Variants in PACRG observed in about 807,000 individuals in gnomAD.
PACRG encodes the protein parkin coregulated gene protein.
Under a neutral mutation model 29.7 loss-of-function variants are expected in PACRG, and 29 were observed. The ratio of observed to expected loss-of-function variants is 0.98; its 90% CI spans 0.73 to 1.33. The LOEUF (loss-of-function observed/expected upper bound fraction) is 1.33, where lower values mean the gene tolerates loss of function less well. PACRG is among the 40% of genes most tolerant of loss of function. The pLI is 0.00. For synonymous variants in PACRG, 116 were observed against 118.7 expected, an observed-to-expected ratio of 0.98 and a Z score of 0.15; for missense variants, 279 against 316.2, an observed-to-expected ratio of 0.88 and a Z score of 0.89.
chr6:163,114,451 T>G (rs1478998316), intron 4 of PACRG, among the ~76,000 whole-genome samples: 1 of 152,132 alleles, frequency 6.6e-6, no homozygotes, highest in Non-Finnish European at 1.5e-5. Flanking sequence ...AGCAAATTAA[T>G]TCACTACACA....
At chr6:162,836,138 A>G (rs1163969355) in intron 2 of PACRG, among the ~76,000 whole-genome samples, 1 of 152,076 alleles carries the variant, frequency 6.6e-6, no homozygotes, top group Non-Finnish European at 1.5e-5. Flanking sequence ...TATTTTTGGT[A>G]ATACTTCATA....
At chr6:162,947,595 CAT>C (rs59243050) in intron 2 of PACRG, among the ~76,000 whole-genome samples, 1,153 of 27,998 alleles carry the variant, frequency 0.041, 86 homozygotes, top group African/African-American at 0.12. Context: ...TATATATAAT[CAT>C]ATATATATAT....
intron 2 of PACRG, among the ~76,000 whole-genome samples, chr6:162,830,058 G>C (rs1021741892): frequency 5.9e-5 from 9 of 152,138 alleles, no homozygotes; most frequent in African/African-American, 2.2e-4. Flanking sequence ...TGCTGTCATG[G>C]TTCAGAGCTG....
intron 1 of PACRG, among the ~76,000 whole-genome samples, chr6:162,754,830 A>AT: frequency 6.6e-6 from 1 of 151,964 alleles, no homozygotes; most frequent in East Asian, 1.9e-4. Flanking sequence ...CATTACGTCA[A>AT]TTTTTTGGAA....
Position 163,177,755 on chromosome 6 carries a change from G to A in PACRG, c.613+88347G>A, listed in dbSNP as rs370939063. ...TTTTTTTTGCGGGTGGGATTCGACC[G>A]TGTTTTTCTGCAAGGAGAAGAGTCT... On this transcript the variant is annotated intron_variant, in intron 4 of 4. Transcript: ENST00000366888. Among the ~76,000 whole-genome samples, 29 of 99,700 alleles carry A rather than the reference G, an allele frequency of 2.9e-4. 1 individual carries two copies. The East Asian group carries it at 5.9e-3, about 20-fold the overall frequency. The allele number at this position is 99,700 out of a possible 152,430, so 65.4% of individuals were successfully genotyped here. A position where few individuals can be genotyped will look rare whatever the true frequency, so the allele number is the denominator to read the frequency against.
At chr6:163,082,180 G>C (rs1302591475) in intron 3 of PACRG, among the ~76,000 whole-genome samples, 3 of 152,104 alleles carry the variant, frequency 2.0e-5, no homozygotes, top group Non-Finnish European at 2.9e-5. Context: ...GAATTTCTGT[G>C]AGTATATCTA....
chr6:163,135,736 G>A (rs1816908094), intron 4 of PACRG, among the ~76,000 whole-genome samples: 1 of 152,172 alleles, frequency 6.6e-6, no homozygotes, highest in Admixed American at 6.5e-5. Flanking sequence ...GTGGCCAAAT[G>A]GCTCTCCGAT....
intron 4 of PACRG, among the ~76,000 whole-genome samples, chr6:163,291,273 CCGCCAGAG>C (rs1784597352): frequency 7.2e-6 from 1 of 138,252 alleles, no homozygotes; most frequent in East Asian, 2.2e-4. Flanking sequence ...ACCCCTCTGC[CCGCCAGAG>C]CTGGCCTGCG....
intron 2 of PACRG, among the ~76,000 whole-genome samples, chr6:162,976,159 A>G (rs562838400): frequency 3.1e-4 from 47 of 152,324 alleles, no homozygotes; most frequent in Non-Finnish European, 5.7e-4. Flanking sequence ...GACACCAGAC[A>G]AGGCGAGAAG....
chr6:162,955,626 G>A (rs1296325481), intron 2 of PACRG, among the ~76,000 whole-genome samples: 1 of 152,146 alleles, frequency 6.6e-6, no homozygotes, highest in African/African-American at 2.4e-5. Context: ...TTCCATTTGT[G>A]TTTTCAGGGG....
At chr6:162,743,191 C>G (rs892616453) in intron 1 of PACRG, among the ~76,000 whole-genome samples, 1 of 152,082 alleles carries the variant, frequency 6.6e-6, no homozygotes. Context: ...TCTATTCAGT[C>G]CCTTTGCCCA....
chr6:163,073,391 G>A (rs1812255871), intron 3 of PACRG, among the ~76,000 whole-genome samples: 2 of 152,142 alleles, frequency 1.3e-5, no homozygotes, highest in Non-Finnish European at 2.9e-5. Flanking sequence ...GCACAAGAAT[G>A]AAACTAGACC....
intron 2 of PACRG, among the ~76,000 whole-genome samples, chr6:162,850,293 A>C (rs995926560): frequency 1.3e-5 from 2 of 152,252 alleles, no homozygotes; most frequent in Admixed American, 6.5e-5. Flanking sequence ...TGCATAGATT[A>C]AAACTATGAT....
intron 4 of PACRG, among the ~76,000 whole-genome samples, chr6:163,127,763 A>G (rs879312828): frequency 2.0e-5 from 3 of 152,228 alleles, no homozygotes; most frequent in Non-Finnish European, 2.9e-5. Context: ...TCACCATGTC[A>G]TCAGGACACA....
At chr6:162,892,271 A>G (rs974893458) in intron 2 of PACRG, among the ~76,000 whole-genome samples, 1 of 152,204 alleles carries the variant, frequency 6.6e-6, no homozygotes, top group African/African-American at 2.4e-5. Context: ...GGCACCAGGC[A>G]TTGTTGAGCA....
At position 163,092,908 on chromosome 6, in the gene PACRG, T is replaced by C. The variant is rs116124309; in HGVS notation, c.613+3500T>C. 1.6e-3 allele frequency among the ~76,000 whole-genome samples: 241 copies of C among 152,344 alleles called. 1 individual carries two copies. The highest frequency in any genetic ancestry group is 5.6e-3 in the African/African-American group (231 of 41,586). On this transcript the variant is annotated intron_variant, in intron 4 of 4. Transcript: ENST00000366888. ...AACTGAAAGTGTTGTGTGTGACCCA[T>C]AGCGCTCTCTCGTTGGGTGACCTGT...
chr6:162,920,209 G>A (rs953560579), intron 2 of PACRG, among the ~76,000 whole-genome samples: 1 of 152,182 alleles, frequency 6.6e-6, no homozygotes, highest in African/African-American at 2.4e-5. Context: ...GAGGGAGGAA[G>A]GGAATGAGAG....
chr6:163,147,217 A>G (rs1484988336), intron 4 of PACRG, among the ~76,000 whole-genome samples: 1 of 152,256 alleles, frequency 6.6e-6, no homozygotes, highest in Non-Finnish European at 1.5e-5. Context: ...AATTACAAAA[A>G]TGTCTAAGAC....
chr6:162,917,338 T>C (rs754104686), intron 2 of PACRG, among the ~76,000 whole-genome samples: 4 of 152,122 alleles, frequency 2.6e-5, no homozygotes, highest in South Asian at 2.1e-4. Context: ...CCATCCTTAG[T>C]GCATTTTGCC....
Sources: gnomAD v4.1 joint callset for allele counts (sites outside exome capture counted in the v4.1 genomes callset) on GRCh38, gnomAD v4.1.1 for gene constraint, MANE v1.5 for transcripts, NCBI Gene and HGNC (gene_info 2026-07-23, HGNC 2026-07-21) for gene names.